RPRD2: variants seen among roughly 807,000 people sequenced by gnomAD.
The protein encoded by RPRD2 is regulation of nuclear pre-mRNA domain-containing protein 2.
In RPRD2, 12 loss-of-function variants were observed where a neutral mutation model predicts 104.4. That is an observed-to-expected ratio of 0.11 (90% CI 0.07 to 0.19). The LOEUF (loss-of-function observed/expected upper bound fraction) is 0.19, where lower values mean the gene tolerates loss of function less well. RPRD2 is among the 10% of genes least tolerant of loss of function. The probability of loss-of-function intolerance (pLI) is 1.00; values close to 1 mark genes in which losing one functional copy is unlikely to be tolerated. For synonymous variants in RPRD2, 714 were observed against 684.9 expected, an observed-to-expected ratio of 1.04 and a Z score of -0.66; for missense variants, 1,543 against 1,790.1, an observed-to-expected ratio of 0.86 and a Z score of 2.49.
At chr1:150,399,521 C>T (rs1488022586) in intron 1 of RPRD2, among the ~76,000 whole-genome samples, 1 of 152,084 alleles carries the variant, frequency 6.6e-6, no homozygotes, top group East Asian at 1.9e-4. Flanking sequence ...TTTTGGGAGG[C>T]TGAGGCGGGT....
intron 1 of RPRD2, among the ~76,000 whole-genome samples, chr1:150,373,463 A>C (rs587678675): frequency 6.6e-6 from 1 of 150,936 alleles, no homozygotes; most frequent in Non-Finnish European, 1.5e-5. Context: ...TCTATTTTGA[A>C]AGTAGGTCCA....
At chr1:150,445,920 T>G (rs1666734720) in intron 6 of RPRD2, among the ~76,000 whole-genome samples, 2 of 151,984 alleles carry the variant, frequency 1.3e-5, no homozygotes, top group Admixed American at 1.3e-4. Context: ...TACAAAAAAT[T>G]AGCTGGGCGT....
intron 1 of RPRD2, among the ~76,000 whole-genome samples, chr1:150,404,501 C>T (rs828783): frequency 0.3 from 45,297 of 151,992 alleles, 8,217 homozygotes; most frequent in Non-Finnish European, 0.4. Context: ...CTGCCTCGCT[C>T]GGCCTCCCAA....
At chr1:150,465,624 G>A (rs1258445247) in intron 10 of RPRD2, among the ~76,000 whole-genome samples, 2 of 152,078 alleles carry the variant, frequency 1.3e-5, no homozygotes, top group Non-Finnish European at 2.9e-5. Flanking sequence ...TTTCTTGACT[G>A]GAGTTCAGTA....
chr1:150,411,458 C>CAAA, intron 1 of RPRD2, among the ~76,000 whole-genome samples: 1 of 88,566 alleles, frequency 1.1e-5, no homozygotes, highest in African/African-American at 5.1e-5. Flanking sequence ...TAGACTGTCT[C>CAAA]AAAAAAAAAA....
intron 1 of RPRD2, among the ~76,000 whole-genome samples, chr1:150,388,363 TACATGTATACACATATACACGTATAC>T (rs1201738848): frequency 6.2e-5 from 5 of 80,330 alleles, no homozygotes; most frequent in Admixed American, 3.2e-4. Flanking sequence ...TATACATATA[TACATGTATACACATATACACGTATAC>T]ACATGTATAT....
At chr1:150,365,117 G>GT (rs1659735647) in intron 1 of RPRD2, among the ~76,000 whole-genome samples, 198 bp downstream of exon 1, 1 of 152,188 alleles carries the variant, frequency 6.6e-6, no homozygotes, top group Admixed American at 6.5e-5. Context: ...CATTTCTTGG[G>GT]TTTTTTAGCC....
chr1:150,449,637 G>A (rs1553896183), intron 7 of RPRD2, among the ~76,000 whole-genome samples: 1 of 151,022 alleles, frequency 6.6e-6, no homozygotes, highest in Non-Finnish European at 1.5e-5. Context: ...AAGGATACCA[G>A]TCATATTAGA....
intron 7 of RPRD2, among the ~76,000 whole-genome samples, chr1:150,456,263 A>G (rs1175585405): frequency 6.6e-6 from 1 of 152,052 alleles, no homozygotes; most frequent in African/African-American, 2.4e-5. Context: ...CTCTCAATAA[A>G]TATTGGTTGG....
Position 150,471,004 on chromosome 1 carries a change from A to T in RPRD2, c.2056A>T (p.Asn686Tyr). 1 of 1,613,962 alleles carries T rather than the reference A, an allele frequency of 6.2e-7. No homozygotes were observed. The highest frequency in any genetic ancestry group is 1.3e-5 in the African/African-American group (1 of 75,036). ...LKGNPGFSGL[N>Y]LNIPILSSLG... is the part of the protein sequence containing the mutation. ...AGGTAATCCTGGTTTCAGTGGCTTA[A>T]ACTTAAACATCCCAATCCTGAGCAG... The change falls in exon 11 of 11, where the codon AAC (asparagine) becomes TAC (tyrosine). Residue 686 changes from asparagine (N) to tyrosine (Y), a missense_variant. Physicochemically the swap from Asn to Tyr is moderately radical, Grantham distance 143 (BLOSUM62 -2). This residue lies in a region of RPRD2 where 572 missense variants were observed against 787.3 expected (regional missense o/e 0.73). Transcript: ENST00000369068. The surrounding 1 kb of genome is among the most constrained non-coding windows in gnomAD (Gnocchi z 5.3).
chr1:150,398,629 C>T (rs1391450091), intron 1 of RPRD2, among the ~76,000 whole-genome samples: 6 of 151,756 alleles, frequency 4.0e-5, no homozygotes, highest in African/African-American at 4.8e-5. Context: ...CTACAATCTC[C>T]GCCTCCTGGG....
At chr1:150,369,557 C>T (rs1379548094) in intron 1 of RPRD2, among the ~76,000 whole-genome samples, 8 of 138,028 alleles carry the variant, frequency 5.8e-5, no homozygotes, top group Non-Finnish European at 1.1e-4. Context: ...CCCGGGTTCA[C>T]GCCATTCTCC....
chr1:150,385,227 T>C (rs1233472582), intron 1 of RPRD2, among the ~76,000 whole-genome samples: 1 of 152,008 alleles, frequency 6.6e-6, no homozygotes, highest in Non-Finnish European at 1.5e-5. Context: ...TTTGGGAGGC[T>C]GAGGTGGGAG....
rs1259516894 is a variant in RPRD2, at chr1:150,473,425, T to C, written c.*91T>C. On this transcript the variant is annotated 3_prime_UTR_variant, in exon 11 of 11. Transcript: ENST00000369068. ...GTTGTTGTTTTTATTTGTTTTCTCT[T>C]TCTCGATTTTTTTTTTATTATAACA... 3.0e-6 allele frequency: 4 copies of C among 1,332,046 alleles called. No individual in the cohort carries two copies. In the East Asian group the frequency reaches 7.1e-5, roughly 23 times the overall value. 82.5% of individuals were successfully genotyped at this position (1,332,046 alleles called of 1,614,324 possible).
At position 150,436,298 on chromosome 1, in the gene RPRD2, T is replaced by C. The variant is rs1665986275; in HGVS notation, c.336-4625T>C. 2.0e-5 allele frequency among the ~76,000 whole-genome samples: 3 copies of C among 152,186 alleles called. No individual in the cohort carries two copies. In the South Asian group the frequency reaches 6.2e-4, roughly 31 times the overall value. ...AGGAGTAATTTGACCTTTCAATTCT[T>C]GTTGTTTAAGAAATACAAACCGGCC... is the stretch of plus-strand genomic sequence containing the variant. On this transcript the variant is annotated intron_variant, in intron 2 of 10. Transcript: ENST00000369068.
Position 150,471,361 on chromosome 1 carries a change from G to A in RPRD2, c.2413G>A (p.Asp805Asn), listed in dbSNP as rs1436146325. The A allele has an allele frequency of 6.2e-7, 1 of 1,613,672 alleles. No individual in the cohort carries two copies. Among genetic ancestry groups the A allele is most frequent in the Non-Finnish European group, 8.5e-7 (1 of 1,179,838 alleles). The stretch of plus-strand genomic sequence containing the variant: ...TGAATCTCCCTATAAGCAGCCTTCT[G>A]ATGGAATGGAGAGACCATCTTCCCT... ...GSESPYKQPS[D>N]GMERPSSLMD... Residue 805 changes from aspartate to asparagine, a missense_variant, in exon 11 of 11, where the codon GAT (aspartate) becomes AAT (asparagine). Transcript: ENST00000369068. This position sits in a 1 kb window ranked among gnomAD's most constrained non-coding sequence, Gnocchi z 5.3.
At chr1:150,388,522 C>CTT (rs1553882595) in intron 1 of RPRD2, among the ~76,000 whole-genome samples, 11 of 144,364 alleles carry the variant, frequency 7.6e-5, no homozygotes, top group South Asian at 2.2e-4. Flanking sequence ...CACACACACA[C>CTT]ATATATACAC....
chr1:150,452,733 C>T (rs1223495193), intron 7 of RPRD2, among the ~76,000 whole-genome samples: 2 of 140,664 alleles, frequency 1.4e-5, no homozygotes, highest in Non-Finnish European at 3.0e-5. Context: ...TGCAGTGGCA[C>T]GATCTCGGCT....
intron 1 of RPRD2, among the ~76,000 whole-genome samples, chr1:150,377,172 C>T (rs1237739003): frequency 5.3e-5 from 8 of 151,242 alleles, no homozygotes; most frequent in Non-Finnish European, 8.8e-5. Flanking sequence ...GATTACGCCA[C>T]TACACTCCAG....
Sources: gnomAD v4.1 joint callset for allele counts (sites outside exome capture counted in the v4.1 genomes callset) on GRCh38, gnomAD v4.1.1 for gene constraint, gnomAD v4.1.1 regional missense constraint, Gnocchi (gnomAD v3.1) non-coding constraint, MANE v1.5 for transcripts, NCBI Gene and HGNC (gene_info 2026-07-23, HGNC 2026-07-21) for gene names.